The following TMCO5A variants were observed in gnomAD, a reference collection of about 807,000 sequenced individuals.
The protein encoded by TMCO5A is transmembrane and coiled-coil domains 5A, also known as transmembrane and coiled-coil domain-containing protein 5A.
Under a neutral mutation model 42.3 loss-of-function variants are expected in TMCO5A, and 34 were observed. That is an observed-to-expected ratio of 0.80 (90% confidence interval 0.61 to 1.07). The LOEUF (loss-of-function observed/expected upper bound fraction) is 1.07. Among genes scored for constraint, TMCO5A ranks in the 50% least tolerant of loss-of-function variants. The probability of loss-of-function intolerance (pLI) is 0.00; values close to 1 mark genes in which losing one functional copy is unlikely to be tolerated. For missense variants in TMCO5A, 357 were observed against 327.9 expected (o/e 1.09, Z -0.69); for synonymous variants, 131 against 115.6 (o/e 1.13, Z -0.86).
intron 10 of TMCO5A, chr15:37,943,823 A>T (rs1459920552): frequency 6.2e-6 from 1 of 161,600 alleles, no homozygotes; most frequent in Non-Finnish European, 1.4e-5. Flanking sequence ...GTCATCATCT[A>T]GTCAGAATTG....
chr15:37,997,249 A>G, the TMCO5A span, among the ~76,000 whole-genome samples: 1 of 152,182 alleles, frequency 6.6e-6, no homozygotes, highest in Non-Finnish European at 1.5e-5. Flanking sequence ...TTACAGATGC[A>G]CTCACTTCAG....
At position 37,943,350 on chromosome 15, in the gene TMCO5A, C is replaced by T. The variant is rs759293714; in HGVS notation, c.579C>T (p.Leu193=). 175 of 1,612,270 alleles carry T rather than the reference C, an allele frequency of 1.1e-4. No homozygotes were observed. The highest frequency in any genetic ancestry group is 5.0e-4 in the Middle Eastern group (3 of 6,042). The change falls in exon 10 of 12, where the codon CTC becomes CTT. Residue 193 remains leucine, a synonymous_variant. Transcript: ENST00000319669. ...GCTGTTATCTTCATAGATCAAAACT[C>T]GTGAGCATGAACCCTGTGGAAAAAG... The part of the protein sequence containing the change: ...ALFLEREVSK[L]VSMNPVEKEH...
chr15:38,001,028 G>A, the TMCO5A span, among the ~76,000 whole-genome samples: 21 of 152,198 alleles, frequency 1.4e-4, no homozygotes, highest in Admixed American at 6.5e-4. Flanking sequence ...GGTCTATAGT[G>A]CAAATTAAGT....
At chr15:38,036,822 C>T in the TMCO5A span, among the ~76,000 whole-genome samples, 1 of 152,068 alleles carries the variant, frequency 6.6e-6, no homozygotes, top group Non-Finnish European at 1.5e-5. Context: ...TCTTTAGAAG[C>T]TCCTCCAGGT....
In TMCO5A at chr15:37,951,350, C is replaced by A; in HGVS notation, c.*116C>A. 1.1e-6 allele frequency: 1 copy of A among 943,138 alleles called. No individual in the cohort carries two copies. The highest frequency in any genetic ancestry group is 1.6e-6 in the Non-Finnish European group (1 of 623,220). 58.4% of individuals were successfully genotyped at this position (943,138 alleles called of 1,614,324 possible). On this transcript the variant is annotated 3_prime_UTR_variant, in exon 12 of 12. Transcript: ENST00000319669. ...CTTCAGTTTTTTCCTCACCGTTTGC[C>A]TGCTTGACTACCTTCTGTCACCACG... is the stretch of plus-strand genomic sequence containing the variant.
At chr15:37,994,463 A>G in the TMCO5A span, 1 of 152,216 alleles carries the variant, frequency 6.6e-6, no homozygotes. Context: ...GGATGTAAGG[A>G]AAGAGTTAAA....
the TMCO5A span, among the ~76,000 whole-genome samples, chr15:38,023,106 A>C: frequency 4.6e-5 from 7 of 152,316 alleles, no homozygotes; most frequent in East Asian, 1.4e-3. Context: ...AAAAAGAATA[A>C]GAAAAATTTG....
At chr15:37,959,561 A>G (rs1890371352) in intron 11 of TMCO5A, among the ~76,000 whole-genome samples, 1 of 152,030 alleles carries the variant, frequency 6.6e-6, no homozygotes, top group African/African-American at 2.4e-5. Flanking sequence ...GTGATTCATT[A>G]TATCAACAGA....
At chr15:37,963,453 A>C (rs143456862) in intron 11 of TMCO5A, among the ~76,000 whole-genome samples, 2,439 of 152,080 alleles carry the variant, frequency 0.016, 72 homozygotes, top group African/African-American at 0.055. Flanking sequence ...ATTTATTGAG[A>C]CTTGTTTTAT....
At chr15:38,028,990 A>G in the TMCO5A span, among the ~76,000 whole-genome samples, 25 of 152,332 alleles carry the variant, frequency 1.6e-4, no homozygotes, top group African/African-American at 4.8e-4. Context: ...GTCTATACTC[A>G]ATGGAACCTA....
rs16965982 is a variant in TMCO5A at position 37,941,417 on chromosome 15, G to T, written c.444+212G>T. On this transcript the variant is annotated intron_variant, in intron 7 of 11. Transcript: ENST00000319669. ...TTTTACAGAATACACTCTACAGTTT[G>T]TATCTCGCAAATATTAGTTATCTAT... 5.8e-3 allele frequency among the ~76,000 whole-genome samples: 875 copies of T among 151,952 alleles called. 6 individuals are homozygous for T. The highest frequency in any genetic ancestry group is 0.02 in the African/African-American group (818 of 41,364).
the TMCO5A span, among the ~76,000 whole-genome samples, chr15:38,014,852 A>AC: frequency 4.2e-5 from 2 of 47,998 alleles, no homozygotes; most frequent in Non-Finnish European, 7.7e-5. Context: ...TAGGAGAAAG[A>AC]TTATATATAT....
chr15:37,986,845 T>G, the TMCO5A span, among the ~76,000 whole-genome samples: 53 of 152,196 alleles, frequency 3.5e-4, 1 homozygote, highest in African/African-American at 1.0e-3. Context: ...ATTTTAGCTA[T>G]GGTGAATAAT....
intron 11 of TMCO5A, among the ~76,000 whole-genome samples, chr15:37,960,447 G>T (rs1040483805): frequency 1.1e-4 from 16 of 152,000 alleles, no homozygotes; most frequent in African/African-American, 3.9e-4. Flanking sequence ...TGGGCATTTG[G>T]GTTGGTTCCA....
At chr15:37,984,495 G>A in the TMCO5A span, among the ~76,000 whole-genome samples, 1 of 152,066 alleles carries the variant, frequency 6.6e-6, no homozygotes, top group Non-Finnish European at 1.5e-5. Flanking sequence ...AGTAAAATCT[G>A]CCACACATAG....
the TMCO5A span, among the ~76,000 whole-genome samples, chr15:37,988,933 T>C: frequency 6.6e-6 from 1 of 152,032 alleles, no homozygotes. Flanking sequence ...CTTCTCTAAA[T>C]GTTTGGTACA....
At chr15:38,007,947 G>C in the TMCO5A span, among the ~76,000 whole-genome samples, 5 of 127,256 alleles carry the variant, frequency 3.9e-5, no homozygotes, top group South Asian at 2.7e-4. Flanking sequence ...CCAGGCTGGA[G>C]TGCAGTGGCA....
the TMCO5A span, among the ~76,000 whole-genome samples, chr15:38,015,936 G>A: frequency 6.6e-6 from 1 of 152,206 alleles, no homozygotes; most frequent in Non-Finnish European, 1.5e-5. Flanking sequence ...GAGCATAGAG[G>A]ATTTTTAGGG....
At chr15:37,988,018 A>G in the TMCO5A span, among the ~76,000 whole-genome samples, 2 of 151,812 alleles carry the variant, frequency 1.3e-5, no homozygotes, top group South Asian at 4.2e-4. Flanking sequence ...CTATTTATTT[A>G]TTCTTTAATT....
Sources: allele counts gnomAD v4.1 joint callset (sites outside exome capture counted in the v4.1 genomes callset), GRCh38; gene constraint gnomAD v4.1.1; transcripts MANE v1.5; gene names NCBI Gene and HGNC (gene_info 2026-07-23, HGNC 2026-07-21).